ZNF780B: variants seen among roughly 807,000 people sequenced by gnomAD.
The protein encoded by ZNF780B is zinc finger protein 779.
In ZNF780B, 52 loss-of-function variants were observed where a neutral mutation model predicts 74.1. That is an observed-to-expected ratio of 0.70 (90% CI 0.56 to 0.88). ZNF780B has a LOEUF of 0.88. Ranked by LOEUF, ZNF780B falls within the 40% of genes least tolerant of loss-of-function variation. ZNF780B has a pLI of 0.00. For synonymous variants in ZNF780B, 315 were observed against 324.3 expected (o/e 0.97, Z 0.31); for missense variants, 953 against 1,007.6 (o/e 0.95, Z 0.73).
Position 40,035,361 on chromosome 19 carries a change from G to A in ZNF780B, c.1498C>T (p.Pro500Ser). The change falls in exon 5 of 5, where the codon CCA (proline) becomes TCA (serine). Residue 500 changes from proline (P) to serine (S), a missense_variant. By Grantham distance (74) the Pro-to-Ser change is moderately conservative. Transcript: ENST00000434248. ...RHKNIHTGEKPFECKDCGKAF... is the reference protein window; with the variant it reads ...RHKNIHTGEKSFECKDCGKAF... ...TTCCCACAGTCTTTACATTCAAATG[G>A]TTTCTCACCAGTATGAATGTTCTTA... is the stretch of plus-strand genomic sequence containing the variant. 6.2e-7 allele frequency: 1 copy of A among 1,614,076 alleles called. No homozygotes were observed. Among genetic ancestry groups the A allele is most frequent in the Non-Finnish European group, 8.5e-7 (1 of 1,180,024 alleles).
At chr19:40,048,281 C>T (rs1973033133) in intron 3 of ZNF780B, among the ~76,000 whole-genome samples, 1 of 152,164 alleles carries the variant, frequency 6.6e-6, no homozygotes, top group Non-Finnish European at 1.5e-5. Flanking sequence ...AAAAACTCAA[C>T]ACACTCTTCT....
chr19:40,053,204 G>A (rs919869816), intron 1 of ZNF780B, among the ~76,000 whole-genome samples: 2 of 152,084 alleles, frequency 1.3e-5, no homozygotes, highest in East Asian at 3.8e-4. Flanking sequence ...TATCCAAAAC[G>A]TGTGAGGAAC....
chr19:40,049,941 T>C (rs1973130160), intron 2 of ZNF780B, among the ~76,000 whole-genome samples: 1 of 152,118 alleles, frequency 6.6e-6, no homozygotes, highest in African/African-American at 2.4e-5. Flanking sequence ...CTCACGCCTG[T>C]AATCCCAGCA....
Position 40,034,933 on chromosome 19 carries a change from T to C in ZNF780B, c.1926A>G (p.Lys642=). 1 of 1,614,128 alleles carries C rather than the reference T, an allele frequency of 6.2e-7. No homozygotes were observed. The change falls in exon 5 of 5, where the codon AAA becomes AAG. Residue 642 remains lysine (K), a synonymous_variant. Coordinates refer to ENST00000434248, the MANE Select transcript of ZNF780B (RefSeq NM_001005851.3). ...TAAAGGACTTCCCACATTCTTTACA[T>C]TTAAATGGCTTCTCACCTGTGTGAA... The part of the protein sequence containing the change: ...KNIHTGEKPF[K]CKECGKSFNR...
At chr19:40,053,905 C>T (rs530131861) in intron 1 of ZNF780B, among the ~76,000 whole-genome samples, 121 of 152,354 alleles carry the variant, frequency 7.9e-4, no homozygotes, top group African/African-American at 2.7e-3. Context: ...CTTTCGAAAG[C>T]GGAGGCGAAG....
intron 3 of ZNF780B, 43 bp downstream of exon 3, chr19:40,048,627 T>C: frequency 6.2e-7 from 1 of 1,614,014 alleles, no homozygotes; most frequent in Non-Finnish European, 8.5e-7. Flanking sequence ...AAGCTGATAT[T>C]CCAGAGAACA....
chr19:40,034,927 T>C lies in ZNF780B; in HGVS notation c.1932A>G (p.Lys644=). The stretch of plus-strand genomic sequence containing the variant: ...CACGATTAAAGGACTTCCCACATTC[T>C]TTACATTTAAATGGCTTCTCACCTG... ...IHTGEKPFKC[K]ECGKSFNRVS... Residue 644 remains lysine (K), a synonymous_variant, in exon 5 of 5, where the codon AAA becomes AAG. Transcript: ENST00000434248. The C allele has an allele frequency of 3.1e-6, 5 of 1,613,900 alleles. No homozygotes were observed. The highest frequency in any genetic ancestry group is 4.2e-6 in the Non-Finnish European group (5 of 1,179,954).
intron 1 of ZNF780B, among the ~76,000 whole-genome samples, chr19:40,051,695 G>C (rs889289361): frequency 6.6e-6 from 1 of 152,196 alleles, no homozygotes; most frequent in Non-Finnish European, 1.5e-5. Flanking sequence ...ACATCAGCTA[G>C]TTCTGACATC....
intron 2 of ZNF780B, 42 bp from the exon 3 acceptor site, chr19:40,048,838 G>A (rs774989796): frequency 6.2e-7 from 1 of 1,610,640 alleles, no homozygotes. Flanking sequence ...ATTGAAGAAA[G>A]TTGTTTCAAG....
At chr19:40,038,616 G>A (rs1286315104) in intron 4 of ZNF780B, among the ~76,000 whole-genome samples, 6 of 150,576 alleles carry the variant, frequency 4.0e-5, no homozygotes, top group Admixed American at 4.0e-4. Context: ...TCTAACTGGT[G>A]TGAGATGGTA....
rs1204232376 is a variant in ZNF780B, at chr19:40,028,726, CA to C, written c.*5630del. 6.6e-6 allele frequency: 1 copy of C among 152,088 alleles called. No individual in the cohort carries two copies. The highest frequency in any genetic ancestry group is 1.5e-5 in the Non-Finnish European group (1 of 68,010). The allele number at this position is 152,088 out of a possible 1,614,324, so 9.4% of individuals were successfully genotyped here. A position where few individuals can be genotyped will look rare whatever the true frequency, so the allele number is the denominator to read the frequency against. ...CTGATACTGTGGCCTTGCTCTAAAC[CA>C]ATCATGAATTTTACCATTCTGGCAT... On this transcript the variant is annotated 3_prime_UTR_variant, in exon 5 of 5. Coordinates refer to ENST00000434248, the MANE Select transcript of ZNF780B (RefSeq NM_001005851.3).
rs541354504 is a variant in ZNF780B at position 40,030,599 on chromosome 19, G to A, written c.*3758C>T. 2 of 152,164 alleles carry A rather than the reference G, an allele frequency of 1.3e-5. No individual in the cohort carries two copies. 9.4% of individuals were successfully genotyped at this position (152,164 alleles called of 1,614,324 possible). ...TTACAGGCGTGAGCCACCGTGCCTG[G>A]CCGTGATTTTTAAATTTGTACATAC... is the stretch of plus-strand genomic sequence containing the variant. On this transcript the variant is annotated 3_prime_UTR_variant, in exon 5 of 5. Coordinates refer to ENST00000434248, the MANE Select transcript of ZNF780B (RefSeq NM_001005851.3).
chr19:40,052,770 C>A (rs1349389580), intron 1 of ZNF780B, among the ~76,000 whole-genome samples: 1 of 151,988 alleles, frequency 6.6e-6, no homozygotes, highest in African/African-American at 2.4e-5. Context: ...TAGAGAGCCC[C>A]AGAATAAATC....
intron 1 of ZNF780B, 37 bp from the exon 2 acceptor site, chr19:40,050,414 G>T: frequency 6.5e-7 from 1 of 1,528,014 alleles, no homozygotes; most frequent in African/African-American, 1.4e-5. Context: ...CCTAAGTCAA[G>T]CTGTGTCCGA....
chr19:40,054,197 T>C (rs1469237020), intron 1 of ZNF780B, among the ~76,000 whole-genome samples: 2 of 152,068 alleles, frequency 1.3e-5, no homozygotes, highest in Non-Finnish European at 2.9e-5. Flanking sequence ...GAGAAGAGAA[T>C]GGTGTTTACA....
At position 40,054,206 on chromosome 19, in the gene ZNF780B, C is replaced by T. The variant is rs553295478; in HGVS notation, c.-46+1983G>A. 3.9e-5 allele frequency among the ~76,000 whole-genome samples: 6 copies of T among 152,152 alleles called. No individual in the cohort carries two copies. The South Asian group carries it at 1.2e-3, about 32-fold the overall frequency. The stretch of plus-strand genomic sequence containing the variant: ...GAATTAGAGAAGAGAATGGTGTTTA[C>T]AGGTCGGGGGTAATGTGGGTGAGGG... On this transcript the variant is annotated intron_variant, in intron 1 of 4. Coordinates refer to ENST00000434248, the MANE Select transcript of ZNF780B (RefSeq NM_001005851.3).
At chr19:40,047,198 C>G in intron 4 of ZNF780B, 177 bp downstream of exon 4, 1 of 566,212 alleles carries the variant, frequency 1.8e-6, no homozygotes, top group South Asian at 2.1e-5. Flanking sequence ...TCCTTGGGGA[C>G]AGCTCCTACA....
rs772880074 is a variant in ZNF780B, at chr19:40,033,956, C to A, written c.*401G>T. On this transcript the variant is annotated 3_prime_UTR_variant, in exon 5 of 5. Transcript: ENST00000434248. The stretch of plus-strand genomic sequence containing the variant: ...CATACGGTTCATACCAGTATGAATT[C>A]TTTGATGTGCAGTAAAGACTAAGCT... 5 of 249,586 alleles carry A rather than the reference C, an allele frequency of 2.0e-5. No individual in the cohort carries two copies. Among genetic ancestry groups the A allele is most frequent in the Non-Finnish European group, 3.2e-5 (4 of 125,424 alleles). 15.5% of individuals were successfully genotyped at this position (249,586 alleles called of 1,614,324 possible).
At position 40,036,264 on chromosome 19, in the gene ZNF780B, C is replaced by T. The variant is rs1422265700; in HGVS notation, c.595G>A (p.Gly199Arg). The T allele has an allele frequency of 6.2e-7, 1 of 1,612,398 alleles. No homozygotes were observed. Among genetic ancestry groups the T allele is most frequent in the Non-Finnish European group, 8.5e-7 (1 of 1,179,512 alleles). ...GEKPYKCKEC[G>R]KAFQLHIQLT... is the part of the protein sequence containing the mutation. Reference sequence around the variant, plus strand: ...TGTATGTGAAGTTGAAAGGCTTTCCCACATTCTTTGCATTTATAGGGTTTC... The same window carrying T: ...TGTATGTGAAGTTGAAAGGCTTTCCTACATTCTTTGCATTTATAGGGTTTC... The change falls in exon 5 of 5, where the codon GGG becomes AGG. Residue 199 changes from glycine to arginine, a missense_variant. Physicochemically the swap from Gly to Arg is moderately radical, Grantham distance 125 (BLOSUM62 -2). Coordinates refer to ENST00000434248, the MANE Select transcript of ZNF780B (RefSeq NM_001005851.3).
Sources: gnomAD v4.1 joint callset for allele counts (sites outside exome capture counted in the v4.1 genomes callset) on GRCh38, gnomAD v4.1.1 for gene constraint, MANE v1.5 for transcripts, NCBI Gene and HGNC (gene_info 2026-07-23, HGNC 2026-07-21) for gene names.